JAM2: variants seen among roughly 807,000 people sequenced by gnomAD.
JAM2 encodes junctional adhesion molecule B.
JAM2 carries 17 observed loss-of-function variants against 42.0 expected under a neutral mutation model. The observed-to-expected ratio is 0.40, with a 90% CI of 0.28 to 0.61. The LOEUF (loss-of-function observed/expected upper bound fraction) is 0.61. Ranked by LOEUF, JAM2 falls within the 20% of genes least tolerant of loss-of-function variation. JAM2 has a pLI of 0.37. For synonymous variants in JAM2, 118 were observed against 128.6 expected, an observed-to-expected ratio of 0.92 and a Z score of 0.56; for missense variants, 319 against 358.3, an observed-to-expected ratio of 0.89 and a Z score of 0.89.
At chr21:25,652,423 C>A (rs1419898757) in intron 1 of JAM2, among the ~76,000 whole-genome samples, 1 of 151,830 alleles carries the variant, frequency 6.6e-6, no homozygotes, top group Non-Finnish European at 1.5e-5. Flanking sequence ...AGGAAATGAA[C>A]CTACTGTATA....
At chr21:25,664,906 C>A (rs902625260) in intron 1 of JAM2, among the ~76,000 whole-genome samples, 1 of 152,154 alleles carries the variant, frequency 6.6e-6, no homozygotes, top group African/African-American at 2.4e-5. Flanking sequence ...TTGTGAAACA[C>A]TAAATGTCAA....
At position 25,639,657 on chromosome 21, in the gene JAM2, G is replaced by T; in HGVS notation, c.-165G>T. 1 of 521,692 alleles carries T rather than the reference G, an allele frequency of 1.9e-6. No homozygotes were observed. Among genetic ancestry groups the T allele is most frequent in the Non-Finnish European group, 3.4e-6 (1 of 295,484 alleles). The allele number at this position is 521,692 out of a possible 1,614,324, so 32.3% of individuals were successfully genotyped here. On this transcript the variant is annotated 5_prime_UTR_variant, in exon 1 of 10. Coordinates refer to ENST00000480456, the MANE Select transcript of JAM2 (RefSeq NM_021219.4). The stretch of plus-strand genomic sequence containing the variant: ...TGGCAGCCAGCTGAGAAGGCGCCCC[G>T]GGGAGGGGGAAACTGACATCCCATC...
At chr21:25,640,504 G>C (rs181361204) in intron 1 of JAM2, among the ~76,000 whole-genome samples, 3 of 152,342 alleles carry the variant, frequency 2.0e-5, no homozygotes, top group Admixed American at 1.3e-4. Context: ...GTCCTCAGGG[G>C]ACATCCAACG....
Position 25,639,878 on chromosome 21 carries a change from C to G in JAM2, c.57C>G (p.Val19=). 6.3e-7 allele frequency: 1 copy of G among 1,591,420 alleles called. No individual in the cohort carries two copies. Among genetic ancestry groups the G allele is most frequent in the Non-Finnish European group, 8.5e-7 (1 of 1,169,760 alleles). The change falls in exon 1 of 10, where the codon GTC becomes GTG. Residue 19 remains valine, a synonymous_variant. Transcript: ENST00000480456. ...LLLLLLRYLV[V]ALGYHKAYGF... ...TGCTGCTGCTGCGCTACCTGGTGGT[C>G]GCCCTGGGCTGTAAGTTGCTCGGGT...
chr21:25,645,581 A>G (rs898185684), intron 1 of JAM2, among the ~76,000 whole-genome samples: 49 of 152,186 alleles, frequency 3.2e-4, no homozygotes, highest in African/African-American at 1.2e-3. Context: ...CTTATTTTAT[A>G]TAGTTTATTG....
intron 6 of JAM2, 78 bp from the exon 7 acceptor site, chr21:25,705,901 T>C (rs1249384090): frequency 3.0e-6 from 3 of 1,008,612 alleles, no homozygotes; most frequent in Non-Finnish European, 4.7e-6. Flanking sequence ...GGATCTTTTT[T>C]TGAACCTTTT....
chr21:25,695,642 C>T (rs1004909294), intron 4 of JAM2, among the ~76,000 whole-genome samples: 1 of 150,744 alleles, frequency 6.6e-6, no homozygotes, highest in African/African-American at 2.4e-5. Context: ...GGCGGCAGGG[C>T]GGAGATGCTC....
At chr21:25,696,503 T>C (rs2034038893) in intron 4 of JAM2, among the ~76,000 whole-genome samples, 1 of 152,156 alleles carries the variant, frequency 6.6e-6, no homozygotes, top group South Asian at 2.1e-4. Flanking sequence ...TAGGAGAAAT[T>C]TAAATCAGAA....
intron 8 of JAM2, among the ~76,000 whole-genome samples, chr21:25,710,555 G>A (rs2034362312): frequency 6.6e-6 from 1 of 152,196 alleles, no homozygotes; most frequent in African/African-American, 2.4e-5. Flanking sequence ...GAAGCAAGTT[G>A]TGCAAATAAC....
chr21:25,673,985 C>T (rs191308906), intron 1 of JAM2, among the ~76,000 whole-genome samples: 1 of 152,330 alleles, frequency 6.6e-6, no homozygotes. Flanking sequence ...TTGCTTGGCT[C>T]TCATTCTCTC....
At chr21:25,674,350 G>A (rs142057572) in intron 1 of JAM2, among the ~76,000 whole-genome samples, 2,298 of 152,190 alleles carry the variant, frequency 0.015, 56 homozygotes, top group African/African-American at 0.049. Context: ...AGCTGAGATC[G>A]TGCTACTACA....
chr21:25,639,732 G>C lies in JAM2; in HGVS notation c.-90G>C, dbSNP rs2032369796. The stretch of plus-strand genomic sequence containing the variant: ...CCTCCCGACTCTCTGCTCCTTTCCC[G>C]CCCCAGAAGTTCAAGGGCCCCCGGC... On this transcript the variant is annotated 5_prime_UTR_variant, in exon 1 of 10. Transcript: ENST00000480456. The C allele has an allele frequency of 1.3e-6, 1 of 768,702 alleles. No individual in the cohort carries two copies. The highest frequency in any genetic ancestry group is 2.1e-6 in the Non-Finnish European group (1 of 478,692). The allele number at this position is 768,702 out of a possible 1,614,324, so 47.6% of individuals were successfully genotyped here.
At chr21:25,644,427 G>A (rs743319) in intron 1 of JAM2, among the ~76,000 whole-genome samples, 19,241 of 151,986 alleles carry the variant, frequency 0.13, 1,343 homozygotes, top group South Asian at 0.26. Context: ...TTCTGGAGGC[G>A]CCCCACTCAC....
rs529731087 is a variant in JAM2, at chr21:25,673,967, T to A, written c.68-9916T>A. ...GCGATCTGATGGTTTTATAAGGGGT[T>A]TCCCCTTTTGCTTGGCTCTCATTCT... On this transcript the variant is annotated intron_variant, in intron 1 of 9. Coordinates refer to ENST00000480456, the MANE Select transcript of JAM2 (RefSeq NM_021219.4). 1.4e-4 allele frequency among the ~76,000 whole-genome samples: 21 copies of A among 152,318 alleles called. No homozygotes were observed. In the South Asian group the frequency reaches 2.3e-3, roughly 17 times the overall value.
intron 2 of JAM2, among the ~76,000 whole-genome samples, chr21:25,688,270 GTA>G (rs1227405092): frequency 1.3e-5 from 2 of 151,942 alleles, no homozygotes; most frequent in East Asian, 1.9e-4. Flanking sequence ...GTGTGTGTGT[GTA>G]TGTGTGTGTA....
chr21:25,667,409 A>T (rs2033251154), intron 1 of JAM2, among the ~76,000 whole-genome samples: 1 of 152,210 alleles, frequency 6.6e-6, no homozygotes, highest in Non-Finnish European at 1.5e-5. Context: ...TCGGCATTTT[A>T]TCTCTTACAT....
chr21:25,688,512 CTG>C (rs2033805848), intron 2 of JAM2, among the ~76,000 whole-genome samples: 1 of 152,210 alleles, frequency 6.6e-6, no homozygotes, highest in Non-Finnish European at 1.5e-5. Context: ...CAGAAAAGAA[CTG>C]TGTTTCCTCA....
chr21:25,642,020 C>T (rs1446923228), intron 1 of JAM2, among the ~76,000 whole-genome samples: 3 of 152,110 alleles, frequency 2.0e-5, no homozygotes, highest in African/African-American at 4.8e-5. Flanking sequence ...GGTAAAGTGA[C>T]ATTTTCATCA....
intron 4 of JAM2, among the ~76,000 whole-genome samples, chr21:25,694,850 T>G (rs924835954): frequency 1.4e-5 from 2 of 143,970 alleles, no homozygotes; most frequent in Non-Finnish European, 3.0e-5. Context: ...AAAAAAAAAA[T>G]AAAAAGAATC....
Sources: allele counts gnomAD v4.1 joint callset (sites outside exome capture counted in the v4.1 genomes callset), GRCh38; gene constraint gnomAD v4.1.1; transcripts MANE v1.5; gene names NCBI Gene and HGNC (gene_info 2026-07-23, HGNC 2026-07-21).